The following MB21D2 variants were observed in gnomAD, a reference collection of about 807,000 sequenced individuals.
The protein encoded by MB21D2 is nucleotidyltransferase MB21D2.
MB21D2 carries 9 observed loss-of-function variants against 33.3 expected under a neutral mutation model. The ratio of observed to expected loss-of-function variants is 0.27; its 90% CI spans 0.16 to 0.47. The LOEUF (loss-of-function observed/expected upper bound fraction) is 0.47. Among genes scored for constraint, MB21D2 ranks in the 20% least tolerant of loss-of-function variants. The pLI, the probability that MB21D2 is intolerant of heterozygous loss-of-function variation, is 0.99. For missense variants in MB21D2, 540 were observed against 624.6 expected (o/e 0.86, Z 1.44); for synonymous variants, 241 against 236.3 (o/e 1.02, Z -0.18).
At chr3:192,903,183 C>G (rs1714140485) in intron 1 of MB21D2, among the ~76,000 whole-genome samples, 1 of 152,238 alleles carries the variant, frequency 6.6e-6, no homozygotes. Context: ...AGAATCCTCC[C>G]TGGAGCACAA....
intron 1 of MB21D2, among the ~76,000 whole-genome samples, chr3:192,822,920 T>C (rs1712091960): frequency 6.6e-6 from 1 of 152,204 alleles, no homozygotes; most frequent in African/African-American, 2.4e-5. Context: ...GCAGAGGTGA[T>C]GAGATCACCT....
At chr3:192,861,346 C>T (rs1395756129) in intron 1 of MB21D2, among the ~76,000 whole-genome samples, 1 of 152,208 alleles carries the variant, frequency 6.6e-6, no homozygotes, top group Non-Finnish European at 1.5e-5. Context: ...ACCCAAGTGT[C>T]ACAGGAGACC....
At chr3:192,830,694 G>C (rs1712297047) in intron 1 of MB21D2, among the ~76,000 whole-genome samples, 1 of 152,336 alleles carries the variant, frequency 6.6e-6, no homozygotes, top group Non-Finnish European at 1.5e-5. Flanking sequence ...TTGGAAGCCT[G>C]CCTGTCTGTT....
chr3:192,876,961 C>T (rs1713444822), intron 1 of MB21D2, among the ~76,000 whole-genome samples: 2 of 152,138 alleles, frequency 1.3e-5, no homozygotes, highest in African/African-American at 4.8e-5. Flanking sequence ...TGATGAGCCA[C>T]CCTCTGCCCT....
intron 1 of MB21D2, among the ~76,000 whole-genome samples, chr3:192,909,936 CAAAAAAAAAAA>C (rs61613458): frequency 9.5e-5 from 5 of 52,822 alleles, no homozygotes; most frequent in Non-Finnish European, 1.6e-4. Flanking sequence ...GACTCTGTCT[CAAAAAAAAAAA>C]AAAAAAAAAA....
chr3:192,884,422 A>C (rs7623177), intron 1 of MB21D2, among the ~76,000 whole-genome samples: 9 of 151,332 alleles, frequency 5.9e-5, no homozygotes, highest in African/African-American at 1.5e-4. Context: ...GCTGGAGTGC[A>C]GTGGCGCGAT....
At chr3:192,898,430 T>C (rs1440665186) in intron 1 of MB21D2, among the ~76,000 whole-genome samples, 1 of 152,156 alleles carries the variant, frequency 6.6e-6, no homozygotes, top group East Asian at 1.9e-4. Context: ...TTTCAAAAGA[T>C]GTCAGTCTTA....
In MB21D2 at chr3:192,911,285, T is replaced by C. The variant is rs186936160; in HGVS notation, c.211+6345A>G. On this transcript the variant is annotated intron_variant, in intron 1 of 1. Transcript: ENST00000392452. ...AAGTGTAATGGTGATGATTAAATGA[T>C]ACAGTAAAGTCCTATTAAAACCTGT... Among the ~76,000 whole-genome samples the C allele has an allele frequency of 3.1e-4, 47 of 152,268 alleles. No individual in the cohort carries two copies. The East Asian group carries it at 9.1e-3, about 29-fold the overall frequency.
chr3:192,802,990 T>C (rs1711587669), intron 1 of MB21D2, among the ~76,000 whole-genome samples: 1 of 152,242 alleles, frequency 6.6e-6, no homozygotes, highest in African/African-American at 2.4e-5. Flanking sequence ...AGAAGCAAAC[T>C]GGCTTTGAGC....
chr3:192,883,968 C>G (rs373417024), intron 1 of MB21D2, among the ~76,000 whole-genome samples: 9 of 152,142 alleles, frequency 5.9e-5, no homozygotes, highest in East Asian at 5.8e-4. Context: ...ATCTCACAAC[C>G]CTCTCAAGCT....
At chr3:192,882,719 C>T (rs1560249129) in intron 1 of MB21D2, among the ~76,000 whole-genome samples, 1 of 150,978 alleles carries the variant, frequency 6.6e-6, no homozygotes, top group African/African-American at 2.5e-5. Flanking sequence ...TACTGCCCTA[C>T]AGGACATCAA....
Position 192,878,092 on chromosome 3 carries a change from T to G in MB21D2, c.211+39538A>C, listed in dbSNP as rs572598981. Among the ~76,000 whole-genome samples the G allele has an allele frequency of 7.0e-3, 1,004 of 142,542 alleles. 15 individuals are homozygous for G. Among genetic ancestry groups the G allele is most frequent in the African/African-American group, 0.021 (773 of 36,624 alleles). 93.5% of individuals were successfully genotyped at this position (142,542 alleles called of 152,430 possible). On this transcript the variant is annotated intron_variant, in intron 1 of 1. Transcript: ENST00000392452. ...AAACAATTCCTCCTCTTTTTTTTTTTTTTTTTTTTGGTTTTTTTTGTTTTT... is the reference window on the plus strand; with the variant it reads ...AAACAATTCCTCCTCTTTTTTTTTTGTTTTTTTTTGGTTTTTTTTGTTTTT...
At chr3:192,872,245 T>G (rs1713320989) in intron 1 of MB21D2, among the ~76,000 whole-genome samples, 1 of 152,184 alleles carries the variant, frequency 6.6e-6, no homozygotes, top group East Asian at 1.9e-4. Flanking sequence ...GCTCACTGTT[T>G]GCCTTCTGCA....
intron 1 of MB21D2, among the ~76,000 whole-genome samples, chr3:192,848,213 T>A (rs1386307973): frequency 1.3e-5 from 2 of 152,230 alleles, no homozygotes; most frequent in Non-Finnish European, 2.9e-5. Flanking sequence ...CCACGGAAAC[T>A]GACATTTTTC....
chr3:192,877,202 T>C (rs1252232499), intron 1 of MB21D2, among the ~76,000 whole-genome samples: 1 of 152,202 alleles, frequency 6.6e-6, no homozygotes, highest in East Asian at 1.9e-4. Flanking sequence ...TCTTAGTTTA[T>C]GTAACTTAAA....
chr3:192,840,404 TTC>T (rs1425805560), intron 1 of MB21D2, among the ~76,000 whole-genome samples: 55 of 146,048 alleles, frequency 3.8e-4, no homozygotes, highest in Non-Finnish European at 6.0e-4. Context: ...AAAGACTTTT[TTC>T]TCTTTTTTCT....
chr3:192,878,034 A>G (rs184531680), intron 1 of MB21D2, among the ~76,000 whole-genome samples: 9 of 150,438 alleles, frequency 6.0e-5, no homozygotes, highest in East Asian at 3.9e-4. Context: ...GAAGCCATAT[A>G]CTAGGCAGGA....
intron 1 of MB21D2, among the ~76,000 whole-genome samples, chr3:192,806,770 A>G (rs1711669622): frequency 6.6e-6 from 1 of 152,232 alleles, no homozygotes; most frequent in Non-Finnish European, 1.5e-5. Flanking sequence ...GGGAAGAGAA[A>G]AATGCCTCTC....
chr3:192,837,727 A>G (rs1015644083), intron 1 of MB21D2, among the ~76,000 whole-genome samples: 1 of 152,246 alleles, frequency 6.6e-6, no homozygotes, highest in Admixed American at 6.5e-5. Flanking sequence ...ATTCCATATC[A>G]TGAGTCTCCG....
Sources: allele counts gnomAD v4.1 joint callset (sites outside exome capture counted in the v4.1 genomes callset), GRCh38; gene constraint gnomAD v4.1.1; transcripts MANE v1.5; gene names NCBI Gene and HGNC (gene_info 2026-07-23, HGNC 2026-07-21).